The following PDLIM5 variants were observed in gnomAD, a reference collection of about 807,000 sequenced individuals.
The protein encoded by PDLIM5 is PDZ and LIM domain protein 5.
A neutral mutation model predicts 64.2 loss-of-function variants in PDLIM5; 34 were observed. The ratio of observed to expected loss-of-function variants is 0.53; its 90% CI spans 0.40 to 0.71. PDLIM5 has a LOEUF of 0.71. Ranked by LOEUF, PDLIM5 falls within the 30% of genes least tolerant of loss-of-function variation. PDLIM5 has a pLI of 0.00. For synonymous variants in PDLIM5, 253 were observed against 269.1 expected, an observed-to-expected ratio of 0.94 and a Z score of 0.59; for missense variants, 683 against 733.6, an observed-to-expected ratio of 0.93 and a Z score of 0.80.
At chr4:94,656,429 G>A (rs1211887757) in intron 10 of PDLIM5, among the ~76,000 whole-genome samples, 2 of 151,900 alleles carry the variant, frequency 1.3e-5, no homozygotes, top group African/African-American at 4.8e-5. Context: ...TTGGGCCATT[G>A]CTGACTAGAA....
chr4:94,578,766 C>A (rs528169076), intron 5 of PDLIM5, among the ~76,000 whole-genome samples: 1 of 151,940 alleles, frequency 6.6e-6, no homozygotes. Flanking sequence ...TTGCAAAATA[C>A]CTACAACAAA....
intron 2 of PDLIM5, 105 bp from the exon 3 acceptor site, chr4:94,523,619 A>G (rs1384054327): frequency 3.4e-5 from 23 of 677,820 alleles, no homozygotes; most frequent in Middle Eastern, 5.5e-4. Flanking sequence ...TGTTACTTCA[A>G]TAGTATATTA....
At chr4:94,622,071 T>C (rs1332179487) in intron 8 of PDLIM5, among the ~76,000 whole-genome samples, 1 of 152,108 alleles carries the variant, frequency 6.6e-6, no homozygotes, top group Non-Finnish European at 1.5e-5. Context: ...TTTTGGAAAA[T>C]TTAAAAATAA....
chr4:94,531,350 A>G (rs992548730), intron 3 of PDLIM5, among the ~76,000 whole-genome samples: 1 of 152,182 alleles, frequency 6.6e-6, no homozygotes. Context: ...TTTTTCTTAC[A>G]TATATCATTA....
intron 7 of PDLIM5, among the ~76,000 whole-genome samples, chr4:94,595,073 GA>G (rs1736961468): frequency 6.6e-6 from 1 of 152,158 alleles, no homozygotes; most frequent in African/African-American, 2.4e-5. Context: ...AGGAGAGAGA[GA>G]GAAGGGGGAG....
chr4:94,498,647 T>G (rs1352808605), intron 2 of PDLIM5, among the ~76,000 whole-genome samples: 1 of 152,236 alleles, frequency 6.6e-6, no homozygotes, highest in African/African-American at 2.4e-5. Context: ...ATTGCCTCTT[T>G]GATGCTTAAT....
chr4:94,475,443 A>G (rs2126098358), intron 2 of PDLIM5, among the ~76,000 whole-genome samples: 1 of 152,332 alleles, frequency 6.6e-6, no homozygotes. Flanking sequence ...TTTTGCAAAT[A>G]AACAATGGAC....
chr4:94,485,849 CAAAAA>C (rs10637280), intron 2 of PDLIM5, among the ~76,000 whole-genome samples: 1 of 100,244 alleles, frequency 1.0e-5, no homozygotes. Flanking sequence ...GACTCCGTCT[CAAAAA>C]AAAAAAAAAA....
chr4:94,535,674 C>G (rs1317910765), intron 3 of PDLIM5, among the ~76,000 whole-genome samples: 2 of 152,086 alleles, frequency 1.3e-5, no homozygotes, highest in African/African-American at 4.8e-5. Context: ...AGGTCCTAGT[C>G]ATTATGCTTA....
chr4:94,470,531 A>G (rs988225203), intron 2 of PDLIM5, among the ~76,000 whole-genome samples: 11 of 152,180 alleles, frequency 7.2e-5, no homozygotes, highest in South Asian at 4.1e-4. Flanking sequence ...ATTTTAGCCA[A>G]TTGGTTGGCT....
chr4:94,633,324 C>T (rs1389058838), intron 8 of PDLIM5, among the ~76,000 whole-genome samples: 2 of 152,056 alleles, frequency 1.3e-5, no homozygotes, highest in African/African-American at 4.8e-5. Flanking sequence ...ACCTAAGCAA[C>T]GTGGATATTT....
Position 94,587,371 on chromosome 4 carries a change from A to G in PDLIM5, c.920+927A>G, listed in dbSNP as rs1259221274. 4 of 1,131,806 alleles carry G rather than the reference A, an allele frequency of 3.5e-6. No individual in the cohort carries two copies. The African/African-American group carries it at 6.6e-5, about 19-fold the overall frequency. 70.1% of individuals were successfully genotyped at this position (1,131,806 alleles called of 1,614,324 possible). A position where few individuals can be genotyped will look rare whatever the true frequency, so the allele number is the denominator to read the frequency against. On this transcript the variant is annotated intron_variant, in intron 7 of 12. Transcript: ENST00000317968. ...GTTGTGATTAGGGTAGTAATCTTGG[A>G]AAACGAATTATTTTCATAAGTTGAA...
At chr4:94,572,327 T>C (rs1734875418) in intron 3 of PDLIM5, among the ~76,000 whole-genome samples, 1 of 152,170 alleles carries the variant, frequency 6.6e-6, no homozygotes, top group Admixed American at 6.5e-5. Flanking sequence ...TTTAAAACAT[T>C]AGAGGCTTTC....
intron 2 of PDLIM5, chr4:94,456,904 T>C: frequency 1.9e-6 from 2 of 1,048,718 alleles, no homozygotes; most frequent in African/African-American, 1.7e-5. Context: ...TCCCATTGTA[T>C]ATAACTGTGC....
intron 5 of PDLIM5, chr4:94,584,562 T>C (rs1736004728): frequency 1.2e-5 from 2 of 160,898 alleles, no homozygotes; most frequent in African/African-American, 4.8e-5. Context: ...AATAATGCCA[T>C]ACCTCTTCTT....
intron 2 of PDLIM5, among the ~76,000 whole-genome samples, chr4:94,491,276 A>G (rs1020857431): frequency 8.5e-5 from 13 of 152,142 alleles, no homozygotes; most frequent in Non-Finnish European, 4.4e-5. Flanking sequence ...TGAGGTATTC[A>G]GGTGTTTGAT....
chr4:94,603,603 A>G (rs1336260705), intron 7 of PDLIM5, among the ~76,000 whole-genome samples: 2 of 149,998 alleles, frequency 1.3e-5, no homozygotes, highest in African/African-American at 4.9e-5. Flanking sequence ...CAGCAGCAGT[A>G]TGGCTCCAAG....
At position 94,668,163 on chromosome 4, in the gene PDLIM5, G is replaced by A. The variant is rs1743167668; in HGVS notation, c.*4096G>A. Reference sequence around the variant, plus strand: ...AGAAGTCACATGATAAATATAATCAGTATAGTAATAATACCATAATGTGCA... The same window carrying A: ...AGAAGTCACATGATAAATATAATCAATATAGTAATAATACCATAATGTGCA... On this transcript the variant is annotated 3_prime_UTR_variant, in exon 13 of 13. Transcript: ENST00000317968. 1 of 152,130 alleles carries A rather than the reference G, an allele frequency of 6.6e-6. No individual in the cohort carries two copies. Among genetic ancestry groups the A allele is most frequent in the Non-Finnish European group, 1.5e-5 (1 of 68,014 alleles). 9.4% of individuals were successfully genotyped at this position (152,130 alleles called of 1,614,324 possible).
rs542395962 is a variant in PDLIM5, at chr4:94,588,268, T to A, written c.920+1824T>A. On this transcript the variant is annotated intron_variant, in intron 7 of 12. Transcript: ENST00000317968. ...CTTTGTGAGGTTACTAAAATATGGG[T>A]ATAAAACACGGCAGGCCAGGTGCGG... 7.4e-5 allele frequency: 54 copies of A among 729,544 alleles called. No individual in the cohort carries two copies. The African/African-American group carries it at 1.0e-3, about 14-fold the overall frequency. 45.2% of individuals were successfully genotyped at this position (729,544 alleles called of 1,614,324 possible).
Sources: allele counts gnomAD v4.1 joint callset (sites outside exome capture counted in the v4.1 genomes callset), GRCh38; gene constraint gnomAD v4.1.1; transcripts MANE v1.5; gene names NCBI Gene and HGNC (gene_info 2026-07-23, HGNC 2026-07-21).